The following TMEM135 variants were observed in gnomAD, a reference collection of about 807,000 sequenced individuals.
TMEM135 encodes the protein transmembrane protein 135.
Under a neutral mutation model 60.3 loss-of-function variants are expected in TMEM135, and 30 were observed. The ratio of observed to expected loss-of-function variants is 0.50; its 90% CI spans 0.37 to 0.68. The LOEUF is 0.68. Ranked by LOEUF, TMEM135 falls within the 30% of genes least tolerant of loss-of-function variation. The pLI is 0.00. For missense variants in TMEM135, 468 were observed against 548.8 expected (o/e 0.85, Z 1.47); for synonymous variants, 190 against 186.7 (o/e 1.02, Z -0.14).
chr11:87,313,556 C>T, intron 11 of TMEM135, 68 bp downstream of exon 11: 1 of 1,190,674 alleles, frequency 8.4e-7, no homozygotes, highest in Non-Finnish European at 1.2e-6. Context: ...TTGGAAATAC[C>T]ATCCAATTCA....
intron 5 of TMEM135, among the ~76,000 whole-genome samples, chr11:87,223,083 A>G (rs2135357243): frequency 6.6e-6 from 1 of 152,302 alleles, no homozygotes; most frequent in Non-Finnish European, 1.5e-5. Flanking sequence ...CTTGAAAGGA[A>G]AAAATCTTGT....
intron 5 of TMEM135, among the ~76,000 whole-genome samples, chr11:87,181,020 G>T (rs1939500590): frequency 6.6e-6 from 1 of 152,170 alleles, no homozygotes; most frequent in Non-Finnish European, 1.5e-5. Context: ...TTATGACAAA[G>T]TTCTTAGAGC....
chr11:87,077,149 A>G (rs1486428621), intron 3 of TMEM135, among the ~76,000 whole-genome samples: 2 of 152,186 alleles, frequency 1.3e-5, no homozygotes, highest in Non-Finnish European at 2.9e-5. Flanking sequence ...ATTTTCATCA[A>G]TTCCTGTCTC....
intron 6 of TMEM135, among the ~76,000 whole-genome samples, chr11:87,280,474 C>G (rs1942041308): frequency 6.6e-6 from 1 of 152,150 alleles, no homozygotes; most frequent in Non-Finnish European, 1.5e-5. Flanking sequence ...TCTCAGTTCT[C>G]AGAATATCCA....
At chr11:87,247,562 G>T (rs1425971106) in intron 6 of TMEM135, among the ~76,000 whole-genome samples, 1 of 152,166 alleles carries the variant, frequency 6.6e-6, no homozygotes, top group Non-Finnish European at 1.5e-5. Flanking sequence ...GGCAATGGCA[G>T]GCACCCCTCC....
intron 4 of TMEM135, among the ~76,000 whole-genome samples, chr11:87,152,434 T>A (rs1938580478): frequency 6.6e-6 from 1 of 152,212 alleles, no homozygotes; most frequent in Non-Finnish European, 1.5e-5. Flanking sequence ...TTTATTTTTC[T>A]GGAATGCCTT....
At chr11:87,238,952 T>C (rs1195780619) in intron 6 of TMEM135, among the ~76,000 whole-genome samples, 5 of 152,056 alleles carry the variant, frequency 3.3e-5, no homozygotes, top group African/African-American at 9.7e-5. Context: ...ACGTGTAGCA[T>C]TTCTTAGTCA....
At chr11:87,284,655 T>C (rs1195760484) in intron 6 of TMEM135, among the ~76,000 whole-genome samples, 1 of 152,216 alleles carries the variant, frequency 6.6e-6, no homozygotes, top group Non-Finnish European at 1.5e-5. Flanking sequence ...CTGTGAAATA[T>C]TTATCAGAAT....
chr11:87,138,205 C>T (rs1287541124), intron 4 of TMEM135, among the ~76,000 whole-genome samples: 2 of 151,612 alleles, frequency 1.3e-5, no homozygotes, highest in Non-Finnish European at 2.9e-5. Flanking sequence ...ATTCTCCTGC[C>T]TCAGCCTTCC....
chr11:87,057,862 C>T (rs1421123516), intron 1 of TMEM135, among the ~76,000 whole-genome samples: 1 of 151,460 alleles, frequency 6.6e-6, no homozygotes, highest in Non-Finnish European at 1.5e-5. Flanking sequence ...ATTTTGGAGG[C>T]TTAATAAATG....
At chr11:87,228,325 C>T (rs1052081638) in intron 5 of TMEM135, among the ~76,000 whole-genome samples, 6 of 152,092 alleles carry the variant, frequency 3.9e-5, no homozygotes, top group Non-Finnish European at 8.8e-5. Context: ...CATGAAGGCT[C>T]CTGAATCCGG....
At chr11:87,251,126 C>G (rs891489759) in intron 6 of TMEM135, among the ~76,000 whole-genome samples, 3 of 152,100 alleles carry the variant, frequency 2.0e-5, no homozygotes, top group African/African-American at 7.2e-5. Context: ...TGACATTCAG[C>G]TAGAGAAATA....
chr11:87,040,169 A>C (rs1225182700), intron 1 of TMEM135, among the ~76,000 whole-genome samples: 3 of 152,242 alleles, frequency 2.0e-5, no homozygotes, highest in Non-Finnish European at 2.9e-5. Flanking sequence ...GAAGAAAATA[A>C]AAAATGTTAG....
intron 4 of TMEM135, among the ~76,000 whole-genome samples, chr11:87,144,201 T>C (rs925260844): frequency 2.0e-5 from 3 of 152,126 alleles, no homozygotes; most frequent in African/African-American, 4.8e-5. Flanking sequence ...TTATTGCTTA[T>C]TAAAAAAAAC....
At chr11:87,318,569 G>C (rs917042713) in intron 13 of TMEM135, among the ~76,000 whole-genome samples, 3 of 151,656 alleles carry the variant, frequency 2.0e-5, no homozygotes, top group African/African-American at 7.3e-5. Flanking sequence ...GGATAATAGG[G>C]ATATGCTGAT....
intron 1 of TMEM135, among the ~76,000 whole-genome samples, chr11:87,054,247 C>G (rs1158177827): frequency 1.3e-5 from 2 of 151,964 alleles, no homozygotes; most frequent in South Asian, 2.1e-4. Context: ...CCAGCCTGGC[C>G]AACATGGTGA....
chr11:87,213,332 A>T (rs1337594686), intron 5 of TMEM135, among the ~76,000 whole-genome samples: 1 of 152,186 alleles, frequency 6.6e-6, no homozygotes, highest in Non-Finnish European at 1.5e-5. Flanking sequence ...TTCTATTACT[A>T]CTGCAACTAT....
At chr11:87,038,236 C>T (rs776296745) in intron 1 of TMEM135, 50 bp downstream of exon 1, 3 of 1,607,188 alleles carry the variant, frequency 1.9e-6, no homozygotes, top group Non-Finnish European at 2.6e-6. Context: ...GGAAGATGGG[C>T]CGGGGGCTGC....
At chr11:87,176,574 T>A (rs896779520) in intron 5 of TMEM135, among the ~76,000 whole-genome samples, 5 of 152,202 alleles carry the variant, frequency 3.3e-5, no homozygotes, top group African/African-American at 4.8e-5. Flanking sequence ...TATTTAATGA[T>A]AAAGAGATGT....
Sources: gnomAD v4.1 joint callset for allele counts (sites outside exome capture counted in the v4.1 genomes callset) on GRCh38, gnomAD v4.1.1 for gene constraint, MANE v1.5 for transcripts, NCBI Gene and HGNC (gene_info 2026-07-23, HGNC 2026-07-21) for gene names.